MAP3K5: variants seen among roughly 807,000 people sequenced by gnomAD.
MAP3K5 encodes ASK-1.
A neutral mutation model predicts 158.7 loss-of-function variants in MAP3K5; 56 were observed. The observed-to-expected ratio is 0.35, with a 90% confidence interval of 0.28 to 0.44. The LOEUF (loss-of-function observed/expected upper bound fraction) is 0.44. Ranked by LOEUF, MAP3K5 falls within the 20% of genes least tolerant of loss-of-function variation. The probability of loss-of-function intolerance (pLI) is 1.00; values close to 1 mark genes in which losing one functional copy is unlikely to be tolerated. For synonymous variants in MAP3K5, 579 were observed against 601.7 expected, an observed-to-expected ratio of 0.96 and a Z score of 0.55; for missense variants, 1,294 against 1,674.8, an observed-to-expected ratio of 0.77 and a Z score of 3.97.
In MAP3K5 at chr6:136,778,456, T is replaced by C. The variant is rs565649186; in HGVS notation, c.448+13254A>G. Among the ~76,000 whole-genome samples the C allele has an allele frequency of 7.9e-5, 12 of 152,326 alleles. No homozygotes were observed. In the South Asian group the frequency reaches 2.5e-3, roughly 32 times the overall value. On this transcript the variant is annotated intron_variant, in intron 1 of 29. Coordinates refer to ENST00000359015, the MANE Select transcript of MAP3K5 (RefSeq NM_005923.4). ...ACTTAGTTCACTATATAATCTTGCA[T>C]GTTGTAGGCTCCCAACAATTATTTA...
intron 1 of MAP3K5, among the ~76,000 whole-genome samples, chr6:136,740,328 C>G (rs780250939): frequency 2.7e-4 from 41 of 151,958 alleles, no homozygotes; most frequent in Non-Finnish European, 4.7e-4. Flanking sequence ...CTTGGTTTTC[C>G]TTTTTTGGAA....
intron 25 of MAP3K5, among the ~76,000 whole-genome samples, chr6:136,569,060 T>C (rs1774249797): frequency 6.6e-6 from 1 of 152,114 alleles, no homozygotes; most frequent in African/African-American, 2.4e-5. Flanking sequence ...TAGGCACAAC[T>C]GACCAGCATT....
At chr6:136,645,752 G>A (rs1778222732) in intron 11 of MAP3K5, among the ~76,000 whole-genome samples, 1 of 152,158 alleles carries the variant, frequency 6.6e-6, no homozygotes, top group African/African-American at 2.4e-5. Flanking sequence ...GGTATATAAT[G>A]TGCTTCAAGT....
intron 1 of MAP3K5, among the ~76,000 whole-genome samples, chr6:136,721,237 A>C (rs1303505966): frequency 6.6e-6 from 1 of 152,020 alleles, no homozygotes; most frequent in African/African-American, 2.4e-5. Flanking sequence ...AAAAAAAAAA[A>C]CAGATTCATT....
chr6:136,669,069 G>GT, intron 8 of MAP3K5, among the ~76,000 whole-genome samples: 1 of 152,116 alleles, frequency 6.6e-6, no homozygotes, highest in Non-Finnish European at 1.5e-5. Flanking sequence ...TTAGAAACAG[G>GT]TAAGATAAAT....
At chr6:136,683,217 C>T (rs1185774335) in intron 7 of MAP3K5, among the ~76,000 whole-genome samples, 4 of 152,200 alleles carry the variant, frequency 2.6e-5, no homozygotes, top group Non-Finnish European at 5.9e-5. Flanking sequence ...TAATCCCATC[C>T]TCTTTGCTAG....
intron 7 of MAP3K5, among the ~76,000 whole-genome samples, chr6:136,687,589 A>C (rs1343223603): frequency 6.6e-6 from 1 of 152,200 alleles, no homozygotes; most frequent in Non-Finnish European, 1.5e-5. Flanking sequence ...AAAAAAAACA[A>C]TCCCATCAAA....
At chr6:136,567,135 C>T (rs1419891492) in intron 26 of MAP3K5, among the ~76,000 whole-genome samples, 1 of 152,198 alleles carries the variant, frequency 6.6e-6, no homozygotes, top group African/African-American at 2.4e-5. Context: ...AGATATGTTA[C>T]AGCATATCAA....
intron 23 of MAP3K5, among the ~76,000 whole-genome samples, chr6:136,589,746 G>A (rs2129079852): frequency 6.6e-6 from 1 of 152,216 alleles, no homozygotes; most frequent in South Asian, 2.1e-4. Context: ...GGCCATATGA[G>A]CACATGATAA....
At chr6:136,717,344 A>G (rs1036423834) in intron 2 of MAP3K5, among the ~76,000 whole-genome samples, 3 of 152,194 alleles carry the variant, frequency 2.0e-5, no homozygotes, top group Non-Finnish European at 4.4e-5. Flanking sequence ...AGGAGCTTAA[A>G]TTAAAACAAA....
intron 23 of MAP3K5, chr6:136,584,256 A>T (rs1488988748): frequency 6.5e-6 from 1 of 152,868 alleles, no homozygotes; most frequent in East Asian, 1.9e-4. Flanking sequence ...GAAGCTATAA[A>T]ATAGGGTCAT....
At chr6:136,766,092 G>A (rs1483506958) in intron 1 of MAP3K5, among the ~76,000 whole-genome samples, 1 of 152,176 alleles carries the variant, frequency 6.6e-6, no homozygotes, top group African/African-American at 2.4e-5. Context: ...AGGTGTGCAA[G>A]AATCTATCTG....
intron 2 of MAP3K5, among the ~76,000 whole-genome samples, chr6:136,710,074 A>G (rs561421308): frequency 6.6e-6 from 1 of 152,360 alleles, no homozygotes; most frequent in African/African-American, 2.4e-5. Context: ...ACCTTAAAGG[A>G]GGCATCAACT....
intron 1 of MAP3K5, among the ~76,000 whole-genome samples, chr6:136,772,054 G>A (rs375129993): frequency 1.2e-4 from 18 of 146,264 alleles, no homozygotes; most frequent in Admixed American, 3.4e-4. Context: ...GACTACAGGC[G>A]TGTGCCACCA....
At chr6:136,778,666 A>G (rs1394507487) in intron 1 of MAP3K5, among the ~76,000 whole-genome samples, 3 of 152,216 alleles carry the variant, frequency 2.0e-5, no homozygotes, top group Non-Finnish European at 4.4e-5. Context: ...TAGAAAATGT[A>G]TTTCTGTGAG....
At chr6:136,734,600 A>G (rs1443957134) in intron 1 of MAP3K5, among the ~76,000 whole-genome samples, 1 of 152,122 alleles carries the variant, frequency 6.6e-6, no homozygotes, top group African/African-American at 2.4e-5. Context: ...TGTATAAAAC[A>G]TTTCAGTCCT....
intron 7 of MAP3K5, among the ~76,000 whole-genome samples, chr6:136,691,306 T>C (rs1362148284): frequency 6.6e-6 from 1 of 152,148 alleles, no homozygotes; most frequent in Non-Finnish European, 1.5e-5. Flanking sequence ...GGGACTCTAA[T>C]TAAAAGTATC....
chr6:136,737,688 C>T (rs1284617905), intron 1 of MAP3K5, among the ~76,000 whole-genome samples: 1 of 152,220 alleles, frequency 6.6e-6, no homozygotes, highest in African/African-American at 2.4e-5. Flanking sequence ...GATTTTAACA[C>T]ACATGATTGT....
At chr6:136,701,013 A>G (rs1219974113) in intron 3 of MAP3K5, among the ~76,000 whole-genome samples, 1 of 152,246 alleles carries the variant, frequency 6.6e-6, no homozygotes, top group Non-Finnish European at 1.5e-5. Flanking sequence ...CCAGGGTATG[A>G]ACAGTCATAA....
Sources: gnomAD v4.1 joint callset for allele counts (sites outside exome capture counted in the v4.1 genomes callset) on GRCh38, gnomAD v4.1.1 for gene constraint, MANE v1.5 for transcripts, NCBI Gene and HGNC (gene_info 2026-07-23, HGNC 2026-07-21) for gene names.